Variants in LRP2 observed in about 807,000 individuals in gnomAD.
LRP2 encodes low-density lipoprotein receptor-related protein 2.
In LRP2, 172 loss-of-function variants were observed where a neutral mutation model predicts 531.0. That is an observed-to-expected ratio of 0.32 (90% confidence interval 0.29 to 0.37). LRP2 has a LOEUF of 0.37. Among genes scored for constraint, LRP2 ranks in the 10% least tolerant of loss-of-function variants. The pLI, the probability that LRP2 is intolerant of heterozygous loss-of-function variation, is 1.00. For missense variants in LRP2, 5,167 were observed against 5,868.3 expected (o/e 0.88, Z 3.90); for synonymous variants, 1,992 against 2,027.6 (o/e 0.98, Z 0.47).
intron 68 of LRP2, 29 bp downstream of exon 68, chr2:169,150,869 A>G: frequency 6.2e-7 from 1 of 1,613,358 alleles, no homozygotes; most frequent in Non-Finnish European, 8.5e-7. Context: ...AGAAATATCT[A>G]GATGTTGAAG....
At chr2:169,170,273 G>T (rs1686946706) in intron 59 of LRP2, among the ~76,000 whole-genome samples, 1 of 152,104 alleles carries the variant, frequency 6.6e-6, no homozygotes, top group African/African-American at 2.4e-5. Context: ...TGTTTACAAG[G>T]CTAACGCAGA....
At chr2:169,344,543 G>C (rs1685647840) in intron 1 of LRP2, among the ~76,000 whole-genome samples, 1 of 152,150 alleles carries the variant, frequency 6.6e-6, no homozygotes, top group Non-Finnish European at 1.5e-5. Flanking sequence ...CTTTACAAAT[G>C]AATGCAGTCA....
chr2:169,162,674 C>G lies in LRP2; in HGVS notation c.11759-74G>C, dbSNP rs2105371223. The G allele has an allele frequency of 2.0e-6, 3 of 1,477,668 alleles. No individual in the cohort carries two copies. In the South Asian group the frequency reaches 3.4e-5, roughly 17 times the overall value. 91.5% of individuals were successfully genotyped at this position (1,477,668 alleles called of 1,614,324 possible). On this transcript the variant is annotated intron_variant, in intron 62 of 78. Coordinates refer to ENST00000649046, the MANE Select transcript of LRP2 (RefSeq NM_004525.3). ...AAGATACTTCCTTCTTTGACAGAGA[C>G]AGTTTGTGCTTACCAAATAAACAAG...
chr2:169,137,145 C>A (rs958721238), intron 76 of LRP2, among the ~76,000 whole-genome samples: 3 of 152,264 alleles, frequency 2.0e-5, no homozygotes, highest in African/African-American at 7.2e-5. Context: ...ATGAAAGGTT[C>A]TTGGCCAGCA....
chr2:169,158,316 C>T (rs1418439862), intron 63 of LRP2, among the ~76,000 whole-genome samples: 2 of 151,182 alleles, frequency 1.3e-5, no homozygotes, highest in Non-Finnish European at 2.9e-5. Context: ...GTATAATTTA[C>T]GTTTAAGGAT....
intron 19 of LRP2, among the ~76,000 whole-genome samples, chr2:169,248,087 G>A (rs910466786): frequency 2.0e-5 from 3 of 152,122 alleles, no homozygotes; most frequent in Non-Finnish European, 4.4e-5. Context: ...GTATGTTTGA[G>A]GATCAATAAA....
chr2:169,198,970 C>T, intron 44 of LRP2, 59 bp from the exon 45 acceptor site: 1 of 1,563,586 alleles, frequency 6.4e-7, no homozygotes, highest in Non-Finnish European at 8.7e-7. Context: ...GTATTATGAA[C>T]AGTATCCGTG....
chr2:169,303,281 G>A (rs377028797), intron 4 of LRP2, among the ~76,000 whole-genome samples: 43 of 152,236 alleles, frequency 2.8e-4, no homozygotes, highest in Admixed American at 7.2e-4. Context: ...TAAGTTATAC[G>A]TTTCTATTCC....
intron 1 of LRP2, among the ~76,000 whole-genome samples, chr2:169,328,456 A>AG (rs1176669245): frequency 6.3e-4 from 93 of 147,186 alleles, no homozygotes; most frequent in African/African-American, 2.3e-3. Context: ...AAAAAAAAAA[A>AG]AAAAAAAAGA....
intron 1 of LRP2, among the ~76,000 whole-genome samples, chr2:169,354,196 C>T (rs1014084845): frequency 2.6e-5 from 4 of 152,160 alleles, no homozygotes; most frequent in South Asian, 4.1e-4. Context: ...CTTTCCTTTT[C>T]GTCTTTTTCA....
intron 3 of LRP2, 72 bp downstream of exon 3, chr2:169,318,690 G>A (rs1684831815): frequency 1.2e-6 from 2 of 1,604,428 alleles, no homozygotes; most frequent in East Asian, 2.2e-5. Flanking sequence ...CCCATTGTGT[G>A]TAACTTCTTT....
intron 55 of LRP2, among the ~76,000 whole-genome samples, chr2:169,174,609 A>G (rs965071384): frequency 3.9e-5 from 6 of 152,142 alleles, no homozygotes; most frequent in African/African-American, 1.4e-4. Context: ...TCCAGGATCA[A>G]GCTATTTTTC....
chr2:169,172,270 A>C (rs544287970), intron 57 of LRP2, 136 bp from the exon 58 acceptor site: 20 of 985,892 alleles, frequency 2.0e-5, no homozygotes, highest in Admixed American at 1.8e-4. Flanking sequence ...AATGCCAGCA[A>C]CATTCATGGT....
chr2:169,350,696 C>T (rs1381189920), intron 1 of LRP2, among the ~76,000 whole-genome samples: 1 of 135,206 alleles, frequency 7.4e-6, no homozygotes, highest in Non-Finnish European at 1.5e-5. Context: ...TGCACTCCAG[C>T]CTGGGTGACA....
intron 19 of LRP2, among the ~76,000 whole-genome samples, chr2:169,255,289 A>G (rs1351167823): frequency 6.6e-6 from 1 of 152,166 alleles, no homozygotes; most frequent in Non-Finnish European, 1.5e-5. Context: ...GCAGTGCACA[A>G]GCTATACAAC....
At chr2:169,320,960 A>T in intron 1 of LRP2, 76 bp from the exon 2 acceptor site, 1 of 1,074,118 alleles carries the variant, frequency 9.3e-7, no homozygotes, top group Non-Finnish European at 1.4e-6. Context: ...TTTTTGATAA[A>T]ATGAAAAATT....
intron 16 of LRP2, among the ~76,000 whole-genome samples, chr2:169,267,982 A>T (rs1256384005): frequency 1.3e-5 from 2 of 152,240 alleles, no homozygotes; most frequent in Non-Finnish European, 1.5e-5. Flanking sequence ...AAATACCTCT[A>T]TGCAAATAAA....
Position 169,182,297 on chromosome 2 carries a change from G to T in LRP2, c.9868C>A (p.Arg3290Ser), listed in dbSNP as rs144973875. 6.2e-7 allele frequency: 1 copy of T among 1,613,842 alleles called. No individual in the cohort carries two copies. The highest frequency in any genetic ancestry group is 8.5e-7 in the Non-Finnish European group (1 of 1,179,910). The change falls in exon 51 of 79, where the codon CGC becomes AGC. Residue 3290 changes from arginine (R) to serine (S), a missense_variant. Around this residue, in one of 6 missense-constraint regions of LRP2, gnomAD observed 1,129 missense variants for 1,362.7 expected, o/e 0.83. Coordinates refer to ENST00000649046, the MANE Select transcript of LRP2 (RefSeq NM_004525.3). ...VSRKLYWLDA[R>S]LDGLFVSDLN... is the part of the protein sequence containing the mutation. Reference sequence around the variant, plus strand: ...TCAGAGACAAAGAGGCCATCCAGGCGGGCATCCAACCAGTAGAGCTTTCTA... The same window carrying T: ...TCAGAGACAAAGAGGCCATCCAGGCTGGCATCCAACCAGTAGAGCTTTCTA...
At chr2:169,347,659 C>T (rs548703322) in intron 1 of LRP2, among the ~76,000 whole-genome samples, 4 of 151,832 alleles carry the variant, frequency 2.6e-5, no homozygotes, top group South Asian at 2.1e-4. Context: ...GAAATCAATC[C>T]GTACCTAAAA....
Sources: allele counts gnomAD v4.1 joint callset (sites outside exome capture counted in the v4.1 genomes callset), GRCh38; gene constraint gnomAD v4.1.1; regional missense constraint gnomAD v4.1.1; transcripts MANE v1.5; gene names NCBI Gene and HGNC (gene_info 2026-07-23, HGNC 2026-07-21).